The following PGGT1B variants were observed in gnomAD, a reference collection of about 807,000 sequenced individuals.
PGGT1B encodes geranylgeranyl transferase type-1 subunit beta.
Under a neutral mutation model 46.1 loss-of-function variants are expected in PGGT1B, and 30 were observed. That is an observed-to-expected ratio of 0.65 (90% CI 0.49 to 0.88). The LOEUF (loss-of-function observed/expected upper bound fraction) is 0.88, where lower values mean the gene tolerates loss of function less well. PGGT1B is among the 40% of genes least tolerant of loss of function. The pLI is 0.00. For synonymous variants in PGGT1B, 170 were observed against 160.0 expected, an observed-to-expected ratio of 1.06 and a Z score of -0.47; for missense variants, 376 against 455.9, an observed-to-expected ratio of 0.82 and a Z score of 1.60.
chr5:115,245,510 T>C (rs892559344), intron 2 of PGGT1B, among the ~76,000 whole-genome samples: 10 of 152,218 alleles, frequency 6.6e-5, no homozygotes, highest in Admixed American at 6.5e-4. Context: ...ATTTTTGAAC[T>C]AGTAACAATA....
rs1396158636 is a variant in PGGT1B at position 115,210,514 on chromosome 5, G to A, written c.*1888C>T. ...AAGTCTCCCACAAGTGTATCAATTAGAAGCATACTAAAATTTATAATCTTA... is the reference window on the plus strand; with the variant it reads ...AAGTCTCCCACAAGTGTATCAATTAAAAGCATACTAAAATTTATAATCTTA... On this transcript the variant is annotated 3_prime_UTR_variant, in exon 9 of 9. Transcript: ENST00000419445. 6.6e-6 allele frequency: 1 copy of A among 152,012 alleles called. No homozygotes were observed. Among genetic ancestry groups the A allele is most frequent in the Non-Finnish European group, 1.5e-5 (1 of 67,972 alleles). The allele number at this position is 152,012 out of a possible 1,614,324, so 9.4% of individuals were successfully genotyped here. A position where few individuals can be genotyped will look rare whatever the true frequency, so the allele number is the denominator to read the frequency against.
intron 6 of PGGT1B, 81 bp from the exon 7 acceptor site, chr5:115,222,089 G>C (rs912277764): frequency 1.3e-6 from 1 of 759,420 alleles, no homozygotes; most frequent in African/African-American, 1.8e-5. Context: ...AGGGGAAAAA[G>C]TGGTTATATA....
At position 115,236,542 on chromosome 5, in the gene PGGT1B, T is replaced by A. The variant is rs1200758742; in HGVS notation, c.480-20A>T. On this transcript the variant is annotated intron_variant, in intron 4 of 8. Coordinates refer to ENST00000419445, the MANE Select transcript of PGGT1B (RefSeq NM_005023.4). The stretch of plus-strand genomic sequence containing the variant: ...CAAAAACTGAAAATAATAACAACAA[T>A]ATGATTTTCTATTAACACTGGACTC... 6.7e-7 allele frequency: 1 copy of A among 1,497,844 alleles called. No individual in the cohort carries two copies. The highest frequency in any genetic ancestry group is 2.6e-5 in the East Asian group (1 of 38,104). 92.8% of individuals were successfully genotyped at this position (1,497,844 alleles called of 1,614,324 possible). A position where few individuals can be genotyped will look rare whatever the true frequency, so the allele number is the denominator to read the frequency against.
intron 6 of PGGT1B, among the ~76,000 whole-genome samples, chr5:115,222,333 A>G (rs1186769467): frequency 6.6e-6 from 1 of 152,174 alleles, no homozygotes; most frequent in Non-Finnish European, 1.5e-5. Flanking sequence ...CCAGGACCCA[A>G]TCACCTGAGA....
intron 6 of PGGT1B, among the ~76,000 whole-genome samples, chr5:115,222,561 G>C (rs142332302): frequency 0.021 from 3,243 of 152,314 alleles, 135 homozygotes; most frequent in African/African-American, 0.074. Context: ...GTGGAAGACA[G>C]TGTGGTGATT....
rs771000940 is a variant in PGGT1B, at chr5:115,216,925, T to C, written c.892A>G (p.Ile298Val). ...YTNFEKNRNY[I>V]LSTQDRLVGG... Reference sequence around the variant, plus strand: ...ACAAGGCGATCTTGAGTTGATAAGATGTAATTTCTATTTTTCTCAAAGTTA... The same window carrying C: ...ACAAGGCGATCTTGAGTTGATAAGACGTAATTTCTATTTTTCTCAAAGTTA... Residue 298 changes from isoleucine (I) to valine (V), a missense_variant, in exon 8 of 9, where the codon ATC (isoleucine) becomes GTC (valine). Around this residue, in one of 2 missense-constraint regions of PGGT1B, gnomAD observed 222 missense variants for 313.6 expected, o/e 0.71. Coordinates refer to ENST00000419445, the MANE Select transcript of PGGT1B (RefSeq NM_005023.4). 2 of 1,594,328 alleles carry C rather than the reference T, an allele frequency of 1.3e-6. No homozygotes were observed. Among genetic ancestry groups the C allele is most frequent in the South Asian group, 1.1e-5 (1 of 90,126 alleles).
intron 2 of PGGT1B, among the ~76,000 whole-genome samples, chr5:115,246,918 G>C (rs1237244157): frequency 6.6e-6 from 1 of 152,134 alleles, no homozygotes; most frequent in African/African-American, 2.4e-5. Context: ...AAACTGGGTA[G>C]ATGAGAAAGG....
chr5:115,249,029 T>C (rs1747976032), intron 2 of PGGT1B, among the ~76,000 whole-genome samples: 1 of 152,196 alleles, frequency 6.6e-6, no homozygotes, highest in Non-Finnish European at 1.5e-5. Flanking sequence ...ATTTTTCTAG[T>C]TTAAAACTTT....
chr5:115,233,300 G>A (rs1423676601), intron 5 of PGGT1B, among the ~76,000 whole-genome samples: 1 of 151,548 alleles, frequency 6.6e-6, no homozygotes, highest in African/African-American at 2.4e-5. Context: ...AATAAAAAGA[G>A]AAATAGTGTT....
At chr5:115,233,035 A>G (rs1757046032) in intron 5 of PGGT1B, among the ~76,000 whole-genome samples, 1 of 152,032 alleles carries the variant, frequency 6.6e-6, no homozygotes, top group Non-Finnish European at 1.5e-5. Context: ...TACAATGAAG[A>G]GAACAATCTT....
chr5:115,245,679 T>C (rs1425731629), intron 2 of PGGT1B, among the ~76,000 whole-genome samples: 2 of 152,256 alleles, frequency 1.3e-5, no homozygotes, highest in Non-Finnish European at 2.9e-5. Context: ...GAATAGCTTT[T>C]GTTGCAATTT....
chr5:115,259,813 A>G (rs1748478316), intron 1 of PGGT1B, among the ~76,000 whole-genome samples: 1 of 152,154 alleles, frequency 6.6e-6, no homozygotes. Context: ...ATGAGAATAC[A>G]AAGACTAGCT....
In PGGT1B at chr5:115,241,621, C is replaced by T; in HGVS notation, c.260-15G>A. The T allele has an allele frequency of 6.3e-7, 1 of 1,591,882 alleles. No homozygotes were observed. The highest frequency in any genetic ancestry group is 8.6e-7 in the Non-Finnish European group (1 of 1,165,548). On this transcript the variant is annotated splice_polypyrimidine_tract_variant and intron_variant, in intron 2 of 8. Transcript: ENST00000419445. ...TAGATTTGATCCTAGAAAATAAAAG[C>T]ATGTGCTTATTTAAAGTACACTTTA... is the stretch of plus-strand genomic sequence containing the variant.
intron 1 of PGGT1B, among the ~76,000 whole-genome samples, chr5:115,256,817 G>A (rs143885877): frequency 4.1e-4 from 63 of 152,256 alleles, no homozygotes; most frequent in African/African-American, 1.4e-3. Flanking sequence ...TTCTACTTGG[G>A]AATAAACTGC....
Position 115,210,162 on chromosome 5 carries a change from C to T in PGGT1B, c.*2240G>A, listed in dbSNP as rs1473133209. 1.2e-4 allele frequency: 18 copies of T among 151,810 alleles called. No homozygotes were observed. Among genetic ancestry groups the T allele is most frequent in the Non-Finnish European group, 4.4e-5 (3 of 67,932 alleles). The allele number at this position is 151,810 out of a possible 1,614,324, so 9.4% of individuals were successfully genotyped here. A position where few individuals can be genotyped will look rare whatever the true frequency, so the allele number is the denominator to read the frequency against. On this transcript the variant is annotated 3_prime_UTR_variant, in exon 9 of 9. Transcript: ENST00000419445. ...GATTAATCTCATTTGTACACAGATG[C>T]TCAAAATAAAGCTCCTCCTCCTACC...
At chr5:115,227,194 A>G (rs265433) in intron 6 of PGGT1B, among the ~76,000 whole-genome samples, 23,136 of 151,986 alleles carry the variant, frequency 0.15, 2,482 homozygotes, top group African/African-American at 0.31. Context: ...GGGTTATGAC[A>G]CTTAACCTGA....
Position 115,205,295 on chromosome 5 carries a change from C to G in PGGT1B, c.*7107G>C, listed in dbSNP as rs1476259877. 1 of 152,070 alleles carries G rather than the reference C, an allele frequency of 6.6e-6. No homozygotes were observed. The highest frequency in any genetic ancestry group is 1.5e-5 in the Non-Finnish European group (1 of 67,998). The allele number at this position is 152,070 out of a possible 1,614,324, so 9.4% of individuals were successfully genotyped here. On this transcript the variant is annotated 3_prime_UTR_variant, in exon 9 of 9. Transcript: ENST00000419445. ...GATGCAAACATACATGAGTGAGGTCCCATGTACCAATCACCAACTGCTTTA... is the reference window on the plus strand; with the variant it reads ...GATGCAAACATACATGAGTGAGGTCGCATGTACCAATCACCAACTGCTTTA...
At position 115,238,028 on chromosome 5, in the gene PGGT1B, T is replaced by C. The variant is rs1002437156; in HGVS notation, c.328-19A>G. The C allele has an allele frequency of 4.6e-6, 7 of 1,523,708 alleles. No individual in the cohort carries two copies. The highest frequency in any genetic ancestry group is 2.5e-5 in the South Asian group (2 of 80,028). 94.4% of individuals were successfully genotyped at this position (1,523,708 alleles called of 1,614,324 possible). A position where few individuals can be genotyped will look rare whatever the true frequency, so the allele number is the denominator to read the frequency against. Reference sequence around the variant, plus strand: ...CAGGAGCCTAAATACAAAATTAATATAGTACTAATTAATGAAGTGAAATGA... The same window carrying C: ...CAGGAGCCTAAATACAAAATTAATACAGTACTAATTAATGAAGTGAAATGA... On this transcript the variant is annotated intron_variant, in intron 3 of 8. Coordinates refer to ENST00000419445, the MANE Select transcript of PGGT1B (RefSeq NM_005023.4).
chr5:115,237,995 A>G lies in PGGT1B; in HGVS notation c.342T>C (p.Ala114=). 6.2e-7 allele frequency: 1 copy of G among 1,605,578 alleles called. No homozygotes were observed. The stretch of plus-strand genomic sequence containing the variant: ...CAATGTGGCCACTATCATAAGGATG[A>G]GCTGTTCCAGGAGCCTAAATACAAA... The part of the protein sequence containing the change: ...PFNPSKAPGT[A]HPYDSGHIAM... The change falls in exon 4 of 9, where the codon GCT becomes GCC. Residue 114 remains alanine, a synonymous_variant. Transcript: ENST00000419445.
Sources: allele counts gnomAD v4.1 joint callset (sites outside exome capture counted in the v4.1 genomes callset), GRCh38; gene constraint gnomAD v4.1.1; regional missense constraint gnomAD v4.1.1; transcripts MANE v1.5; gene names NCBI Gene and HGNC (gene_info 2026-07-23, HGNC 2026-07-21).